Variants in MINDY2 observed in about 807,000 individuals in gnomAD.
MINDY2 encodes the protein ubiquitin carboxyl-terminal hydrolase MINDY-2.
In MINDY2, 52 loss-of-function variants were observed where a neutral mutation model predicts 68.2. The ratio of observed to expected loss-of-function variants is 0.76; its 90% CI spans 0.61 to 0.96. The LOEUF (loss-of-function observed/expected upper bound fraction) is 0.96, where lower values mean the gene tolerates loss of function less well. MINDY2 is among the 40% of genes least tolerant of loss of function. The pLI, the probability that MINDY2 is intolerant of heterozygous loss-of-function variation, is 0.00. For missense variants in MINDY2, 881 were observed against 773.4 expected (o/e 1.14, Z -1.65); for synonymous variants, 372 against 303.0 (o/e 1.23, Z -2.36).
rs2033176069 is a variant in MINDY2 at position 58,860,140 on chromosome 15, A to G, written c.*5530A>G. 6.6e-6 allele frequency: 1 copy of G among 152,220 alleles called. No homozygotes were observed. The highest frequency in any genetic ancestry group is 2.1e-4 in the South Asian group (1 of 4,834). 9.4% of individuals were successfully genotyped at this position (152,220 alleles called of 1,614,324 possible). A position where few individuals can be genotyped will look rare whatever the true frequency, so the allele number is the denominator to read the frequency against. Reference sequence around the variant, plus strand: ...TTTGTCACCATTAACTTTAATATCCAGTTTTAATCTGCACTGTAATATCCT... The same window carrying G: ...TTTGTCACCATTAACTTTAATATCCGGTTTTAATCTGCACTGTAATATCCT... On this transcript the variant is annotated 3_prime_UTR_variant, in exon 9 of 9. Coordinates refer to ENST00000559228, the MANE Select transcript of MINDY2 (RefSeq NM_001040450.3).
At chr15:58,812,414 C>G (rs2140978786) in intron 4 of MINDY2, among the ~76,000 whole-genome samples, 1 of 150,090 alleles carries the variant, frequency 6.7e-6, no homozygotes, top group Non-Finnish European at 1.5e-5. Flanking sequence ...TCTAGCCTGG[C>G]CAACAGAGCA....
intron 5 of MINDY2, among the ~76,000 whole-genome samples, chr15:58,830,645 A>C (rs2031659991): frequency 1.3e-5 from 2 of 152,138 alleles, no homozygotes; most frequent in African/African-American, 4.8e-5. Context: ...TATAAGGCAC[A>C]TCACAGCCTT....
At chr15:58,794,645 G>A (rs1902164277) in intron 2 of MINDY2, among the ~76,000 whole-genome samples, 1 of 151,928 alleles carries the variant, frequency 6.6e-6, no homozygotes, top group Admixed American at 6.6e-5. Context: ...GAGAATGACA[G>A]GAGCAAGTGG....
chr15:58,808,940 G>T (rs952250540), intron 3 of MINDY2, among the ~76,000 whole-genome samples: 1 of 152,334 alleles, frequency 6.6e-6, no homozygotes, highest in East Asian at 1.9e-4. Context: ...TGCCAGGCAT[G>T]GTGGCTTATG....
intron 1 of MINDY2, among the ~76,000 whole-genome samples, chr15:58,781,829 G>A (rs1901166682): frequency 6.6e-6 from 1 of 152,054 alleles, no homozygotes; most frequent in Non-Finnish European, 1.5e-5. Flanking sequence ...TTGAACCCAG[G>A]AGACGGAGTT....
intron 6 of MINDY2, among the ~76,000 whole-genome samples, chr15:58,841,794 TATAG>T (rs1312696926): frequency 6.6e-6 from 1 of 152,214 alleles, no homozygotes; most frequent in Non-Finnish European, 1.5e-5. Context: ...TGTGGGTCAC[TATAG>T]ATAGTGAGAT....
chr15:58,811,310 G>A (rs2030227751), intron 4 of MINDY2, among the ~76,000 whole-genome samples: 1 of 152,178 alleles, frequency 6.6e-6, no homozygotes, highest in Admixed American at 6.5e-5. Context: ...AATGTACATT[G>A]ACCTTTGGTA....
At chr15:58,844,477 A>C (rs2032430706) in intron 6 of MINDY2, among the ~76,000 whole-genome samples, 1 of 148,972 alleles carries the variant, frequency 6.7e-6, no homozygotes, top group Non-Finnish European at 1.5e-5. Context: ...GGGTGAACCC[A>C]GGAGGCGGAG....
At position 58,795,075 on chromosome 15, in the gene MINDY2, C is replaced by T. The variant is rs147455446; in HGVS notation, c.898+7112C>T. The stretch of plus-strand genomic sequence containing the variant: ...CCTGTAGTCCCAGCTGCTCGGGAGG[C>T]GGAGGCAGGAGAATAGCGTGAACCT... On this transcript the variant is annotated intron_variant, in intron 2 of 8. Transcript: ENST00000559228. Among the ~76,000 whole-genome samples the T allele has an allele frequency of 2.9e-4, 44 of 151,894 alleles. No individual in the cohort carries two copies. In the East Asian group the frequency reaches 4.5e-3, roughly 16 times the overall value.
chr15:58,777,489 G>C (rs1277249774), intron 1 of MINDY2, among the ~76,000 whole-genome samples: 1 of 152,096 alleles, frequency 6.6e-6, no homozygotes, highest in African/African-American at 2.4e-5. Flanking sequence ...CTATTAAGTA[G>C]TTGGCTAGGC....
At chr15:58,806,722 G>A (rs1363420009) in intron 3 of MINDY2, among the ~76,000 whole-genome samples, 1 of 152,140 alleles carries the variant, frequency 6.6e-6, no homozygotes, top group Non-Finnish European at 1.5e-5. Context: ...GGAAAATCTG[G>A]TGGTTGTAAA....
In MINDY2 at chr15:58,857,390, C is replaced by T. The variant is rs2033093085; in HGVS notation, c.*2780C>T. The stretch of plus-strand genomic sequence containing the variant: ...CTCTACTAAAAATACAATAATTAGC[C>T]AGGCATGGTGGCGGGCACCTGTCAT... On this transcript the variant is annotated 3_prime_UTR_variant, in exon 9 of 9. Coordinates refer to ENST00000559228, the MANE Select transcript of MINDY2 (RefSeq NM_001040450.3). 6.6e-6 allele frequency: 1 copy of T among 152,146 alleles called. No homozygotes were observed. The highest frequency in any genetic ancestry group is 6.6e-5 in the Admixed American group (1 of 15,260). The allele number at this position is 152,146 out of a possible 1,614,324, so 9.4% of individuals were successfully genotyped here.
Position 58,771,614 on chromosome 15 carries a change from T to C in MINDY2, c.219T>C (p.Pro73=). 1 of 1,612,060 alleles carries C rather than the reference T, an allele frequency of 6.2e-7. No homozygotes were observed. Among genetic ancestry groups the C allele is most frequent in the Non-Finnish European group, 8.5e-7 (1 of 1,179,794 alleles). The change falls in exon 1 of 9, where the codon CCT becomes CCC. Residue 73 remains proline, a synonymous_variant. Coordinates refer to ENST00000559228, the MANE Select transcript of MINDY2 (RefSeq NM_001040450.3). ...ACTCGGCTTCTCCCGCGGGCTCTCC[T>C]GAGGTTCCCGGACCCTGCAGCTCCT... ...LPDSASPAGS[P]EVPGPCSSSA... is the part of the protein sequence containing the mutation.
chr15:58,786,146 C>G (rs1246580455), intron 1 of MINDY2, among the ~76,000 whole-genome samples: 1 of 152,068 alleles, frequency 6.6e-6, no homozygotes, highest in Non-Finnish European at 1.5e-5. Flanking sequence ...TTATAGGGAT[C>G]TTTTTAAAAA....
chr15:58,780,129 G>A (rs1307220598), intron 1 of MINDY2, among the ~76,000 whole-genome samples: 1 of 152,126 alleles, frequency 6.6e-6, no homozygotes, highest in Non-Finnish European at 1.5e-5. Context: ...TTGAGGCCAG[G>A]TGTGGTTGGC....
At chr15:58,775,899 C>T (rs1272168807) in intron 1 of MINDY2, among the ~76,000 whole-genome samples, 21 of 142,790 alleles carry the variant, frequency 1.5e-4, no homozygotes, top group African/African-American at 5.6e-4. Flanking sequence ...CTCACTCTGT[C>T]TTGCCCAGGC....
chr15:58,771,481 G>T lies in MINDY2; in HGVS notation c.86G>T (p.Gly29Val). The change falls in exon 1 of 9, where the codon GGG becomes GTG. Residue 29 changes from glycine to valine, a missense_variant. Transcript: ENST00000559228. ...TCAGGGACAGGTTCTTCGCAGGAAG[G>T]GCTACAGGAGACCAGGCTCGCCGCT... The part of the protein sequence containing the change: ...PASGTGSSQE[G>V]LQETRLAAGD... 6.2e-7 allele frequency: 1 copy of T among 1,612,634 alleles called. No individual in the cohort carries two copies. Among genetic ancestry groups the T allele is most frequent in the Non-Finnish European group, 8.5e-7 (1 of 1,179,848 alleles).
At chr15:58,785,428 A>G in intron 1 of MINDY2, among the ~76,000 whole-genome samples, 1 of 152,192 alleles carries the variant, frequency 6.6e-6, no homozygotes, top group East Asian at 1.9e-4. Context: ...GTAAATACTA[A>G]TATTTTAGGC....
intron 3 of MINDY2, among the ~76,000 whole-genome samples, chr15:58,807,238 G>C (rs1215230021): frequency 6.6e-6 from 1 of 151,674 alleles, no homozygotes; most frequent in Non-Finnish European, 1.5e-5. Context: ...TAGGGATTCA[G>C]TAAAAGTGTG....
Sources: allele counts gnomAD v4.1 joint callset (sites outside exome capture counted in the v4.1 genomes callset), GRCh38; gene constraint gnomAD v4.1.1; transcripts MANE v1.5; gene names NCBI Gene and HGNC (gene_info 2026-07-23, HGNC 2026-07-21).